PHLPP1: variants seen among roughly 807,000 people sequenced by gnomAD.
The protein encoded by PHLPP1 is PH domain leucine-rich repeat-containing protein phosphatase 1.
In PHLPP1, 42 loss-of-function variants were observed where a neutral mutation model predicts 117.2. That is an observed-to-expected ratio of 0.36 (90% CI 0.28 to 0.46). PHLPP1 has a LOEUF of 0.46. Among genes scored for constraint, PHLPP1 ranks in the 20% least tolerant of loss-of-function variants. The pLI is 1.00. For missense variants in PHLPP1, 2,084 were observed against 2,241.9 expected (o/e 0.93, Z 1.42); for synonymous variants, 1,042 against 970.7 (o/e 1.07, Z -1.37).
At position 62,717,238 on chromosome 18, in the gene PHLPP1, T is replaced by G. The variant is rs1340390971; in HGVS notation, c.1555T>G (p.Cys519Gly). The G allele has an allele frequency of 1.3e-6, 2 of 1,596,482 alleles. No homozygotes were observed. Among genetic ancestry groups the G allele is most frequent in the Non-Finnish European group, 1.7e-6 (2 of 1,169,242 alleles). The change falls in exon 1 of 17, where the codon TGC (cysteine) becomes GGC (glycine). Residue 519 changes from cysteine (C) to glycine (G), a missense_variant. Coordinates refer to ENST00000262719, the MANE Select transcript of PHLPP1 (RefSeq NM_194449.4). The stretch of plus-strand genomic sequence containing the variant: ...GGAAGGCATGGACTCGGAGATTGGC[T>G]GCCTCATCCGCTTCTATGCAGGTAA... ...QEEGMDSEIG[C>G]LIRFYAGKPH...
At chr18:62,876,482 T>A (rs181551048) in intron 4 of PHLPP1, among the ~76,000 whole-genome samples, 16 of 152,346 alleles carry the variant, frequency 1.1e-4, no homozygotes, top group Admixed American at 3.3e-4. Flanking sequence ...TACTTATCAA[T>A]CCTTTTATAG....
At position 62,914,842 on chromosome 18, in the gene PHLPP1, G is replaced by A; in HGVS notation, c.2709-71G>A. 3 of 991,710 alleles carry A rather than the reference G, an allele frequency of 3.0e-6. No homozygotes were observed. The South Asian group carries it at 4.3e-5, about 14-fold the overall frequency. 61.4% of individuals were successfully genotyped at this position (991,710 alleles called of 1,614,324 possible). A position where few individuals can be genotyped will look rare whatever the true frequency, so the allele number is the denominator to read the frequency against. ...TTATTTGAGGTTTTATTTATTCTTT[G>A]TAATCAATTTGAGTTTAGAACCACA... On this transcript the variant is annotated intron_variant, in intron 8 of 16. Coordinates refer to ENST00000262719, the MANE Select transcript of PHLPP1 (RefSeq NM_194449.4).
In PHLPP1 at chr18:62,949,715, C is replaced by G. The variant is rs1484497383; in HGVS notation, c.3324+4444C>G. ...TCTTTTGGTTCTGAAACAGACAGGC[C>G]TCCCTCTGGATACAGATTAGCTCTT... On this transcript the variant is annotated intron_variant, in intron 12 of 16. Coordinates refer to ENST00000262719, the MANE Select transcript of PHLPP1 (RefSeq NM_194449.4). Among the ~76,000 whole-genome samples the G allele has an allele frequency of 2.6e-5, 4 of 152,144 alleles. No individual in the cohort carries two copies. In the East Asian group the frequency reaches 5.8e-4, roughly 22 times the overall value.
At chr18:62,780,917 A>G (rs1913100846) in intron 1 of PHLPP1, among the ~76,000 whole-genome samples, 1 of 152,204 alleles carries the variant, frequency 6.6e-6, no homozygotes, top group Non-Finnish European at 1.5e-5. Context: ...TACATAACAC[A>G]GTTTTCAATG....
At chr18:62,896,255 TTTG>T (rs1210328563) in intron 6 of PHLPP1, among the ~76,000 whole-genome samples, 45 of 152,046 alleles carry the variant, frequency 3.0e-4, no homozygotes, top group Admixed American at 1.7e-3. Flanking sequence ...AGAGCTGTTT[TTTG>T]TTGTTGTTGT....
chr18:62,829,541 C>T (rs924825059), intron 1 of PHLPP1, among the ~76,000 whole-genome samples: 17 of 152,208 alleles, frequency 1.1e-4, no homozygotes, highest in African/African-American at 3.6e-4. Flanking sequence ...CACCTGAGGT[C>T]GGGAATTTGA....
intron 1 of PHLPP1, among the ~76,000 whole-genome samples, chr18:62,794,408 A>G (rs752549408): frequency 6.6e-6 from 1 of 151,830 alleles, no homozygotes; most frequent in South Asian, 2.1e-4. Context: ...CACTCTGTCA[A>G]CCATGCTGAG....
chr18:62,790,671 C>G (rs1315511854), intron 1 of PHLPP1, among the ~76,000 whole-genome samples: 1 of 151,978 alleles, frequency 6.6e-6, no homozygotes, highest in Non-Finnish European at 1.5e-5. Context: ...AATGAAGGTA[C>G]CCACCATGAT....
rs1430047769 is a variant in PHLPP1, at chr18:62,764,753, G to A, written c.1576+47494G>A. On this transcript the variant is annotated intron_variant, in intron 1 of 16. Transcript: ENST00000262719. The stretch of plus-strand genomic sequence containing the variant: ...ACTCTTGAAGTGGTGTGCCTGGCAT[G>A]TGACAAGCATGCAGCAGATGTGATG... Among the ~76,000 whole-genome samples the A allele has an allele frequency of 3.3e-5, 5 of 152,238 alleles. No homozygotes were observed. The East Asian group carries it at 7.7e-4, about 23-fold the overall frequency.
At chr18:62,878,675 G>C (rs192331804) in intron 4 of PHLPP1, among the ~76,000 whole-genome samples, 4 of 152,194 alleles carry the variant, frequency 2.6e-5, no homozygotes, top group East Asian at 3.9e-4. Flanking sequence ...TCTTTTGGAC[G>C]TATAATTAAT....
At chr18:62,895,463 ATTAATT>A (rs1228701653) in intron 5 of PHLPP1, among the ~76,000 whole-genome samples, 1 of 152,234 alleles carries the variant, frequency 6.6e-6, no homozygotes, top group Non-Finnish European at 1.5e-5. Context: ...AGACTTAGAA[ATTAATT>A]TTAAGAAATA....
intron 1 of PHLPP1, among the ~76,000 whole-genome samples, chr18:62,765,752 A>G (rs1206751069): frequency 1.3e-5 from 2 of 151,960 alleles, no homozygotes; most frequent in Non-Finnish European, 2.9e-5. Context: ...TCCCAGCACT[A>G]TGGGAAGCCA....
Position 62,978,351 on chromosome 18 carries a change from G to T in PHLPP1, c.4074G>T (p.Gln1358His). ...GTGTGGTGCCTCGCCCCCACGTGCA[G>T]TCCGTGCTCCTGACTCCCCAGGATG... ...HPSVVPRPHVQSVLLTPQDEF... is the reference protein window; with the variant it reads ...HPSVVPRPHVHSVLLTPQDEF... The change falls in exon 17 of 17, where the codon CAG (glutamine) becomes CAT (histidine). Residue 1358 changes from glutamine to histidine, a missense_variant. Around this residue, in one of 2 missense-constraint regions of PHLPP1, gnomAD observed 1,365 missense variants for 1,605.9 expected, o/e 0.85. Coordinates refer to ENST00000262719, the MANE Select transcript of PHLPP1 (RefSeq NM_194449.4). This position sits in a 1 kb window ranked among gnomAD's most constrained non-coding sequence, Gnocchi z 7.0. 6.2e-7 allele frequency: 1 copy of T among 1,613,156 alleles called. No individual in the cohort carries two copies. Among genetic ancestry groups the T allele is most frequent in the Non-Finnish European group, 8.5e-7 (1 of 1,179,492 alleles).
At chr18:62,747,159 A>G (rs542646853) in intron 1 of PHLPP1, among the ~76,000 whole-genome samples, 18 of 151,608 alleles carry the variant, frequency 1.2e-4, no homozygotes, top group African/African-American at 3.6e-4. Context: ...CCCCTCTCCC[A>G]TACTTAATTT....
At chr18:62,793,679 C>T (rs1430471441) in intron 1 of PHLPP1, among the ~76,000 whole-genome samples, 4 of 152,252 alleles carry the variant, frequency 2.6e-5, no homozygotes, top group Non-Finnish European at 5.9e-5. Flanking sequence ...TCTGTTTCTA[C>T]GGAGGAATAA....
rs771001397 is a variant in PHLPP1, at chr18:62,972,549, G to A, written c.3596G>A (p.Cys1199Tyr). ...GCAGCCCTGTCGGTGAATAACTTCT[G>A]TGACAACCGCGAAGCCCTGTATGGT... is the stretch of plus-strand genomic sequence containing the variant. ...CVAALSVNNF[C>Y]DNREALYGVF... The change falls in exon 15 of 17, where the codon TGT becomes TAT. Residue 1199 changes from cysteine to tyrosine, a missense_variant. This residue lies in a region of PHLPP1 where 1,365 missense variants were observed against 1,605.9 expected (regional missense o/e 0.85). Coordinates refer to ENST00000262719, the MANE Select transcript of PHLPP1 (RefSeq NM_194449.4). 2 of 1,613,348 alleles carry A rather than the reference G, an allele frequency of 1.2e-6. No homozygotes were observed. The highest frequency in any genetic ancestry group is 1.7e-5 in the Admixed American group (1 of 60,032).
intron 12 of PHLPP1, among the ~76,000 whole-genome samples, chr18:62,953,981 T>G (rs1910542900): frequency 6.6e-6 from 1 of 152,274 alleles, no homozygotes; most frequent in South Asian, 2.1e-4. Flanking sequence ...AACATTGATA[T>G]GCCTGTTTCT....
At chr18:62,851,192 GGC>G (rs1316554470) in intron 3 of PHLPP1, among the ~76,000 whole-genome samples, 2 of 152,152 alleles carry the variant, frequency 1.3e-5, no homozygotes, top group Non-Finnish European at 2.9e-5. Flanking sequence ...CACCTCTGCT[GGC>G]AAAGAGAGCT....
intron 1 of PHLPP1, among the ~76,000 whole-genome samples, chr18:62,783,150 TAAA>T (rs1420812535): frequency 8.1e-6 from 1 of 123,384 alleles, no homozygotes; most frequent in Non-Finnish European, 1.6e-5. Flanking sequence ...TTCAGAGTTT[TAAA>T]AAAAAAAAAA....
Sources: gnomAD v4.1 joint callset for allele counts (sites outside exome capture counted in the v4.1 genomes callset) on GRCh38, gnomAD v4.1.1 for gene constraint, gnomAD v4.1.1 regional missense constraint, Gnocchi (gnomAD v3.1) non-coding constraint, MANE v1.5 for transcripts, NCBI Gene and HGNC (gene_info 2026-07-23, HGNC 2026-07-21) for gene names.